Variants in TENM2 observed in about 807,000 individuals in gnomAD.
TENM2 encodes the protein teneurin-2.
In TENM2, 52 loss-of-function variants were observed where a neutral mutation model predicts 245.2. The observed-to-expected ratio is 0.21, with a 90% CI of 0.17 to 0.27. TENM2 has a LOEUF of 0.27. Ranked by LOEUF, TENM2 falls within the 10% of genes least tolerant of loss-of-function variation. The probability of loss-of-function intolerance (pLI) is 1.00; values close to 1 mark genes in which losing one functional copy is unlikely to be tolerated. For missense variants in TENM2, 3,046 were observed against 3,666.8 expected (o/e 0.83, Z 4.37); for synonymous variants, 1,363 against 1,438.9 (o/e 0.95, Z 1.19).
At chr5:167,503,882 T>C (rs1362589531) in intron 2 of TENM2, among the ~76,000 whole-genome samples, 1 of 152,070 alleles carries the variant, frequency 6.6e-6, no homozygotes, top group Non-Finnish European at 1.5e-5. Flanking sequence ...CGACAGAGTC[T>C]CACTCTGTCT....
At chr5:167,298,420 G>A (rs1278914949) in intron 1 of TENM2, among the ~76,000 whole-genome samples, 4 of 152,144 alleles carry the variant, frequency 2.6e-5, no homozygotes, top group African/African-American at 7.2e-5. Flanking sequence ...TGGCTAACAC[G>A]GTGAAACCCC....
At chr5:167,852,283 A>C (rs947878005) in intron 2 of TENM2, among the ~76,000 whole-genome samples, 3 of 152,248 alleles carry the variant, frequency 2.0e-5, no homozygotes, top group African/African-American at 7.2e-5. Flanking sequence ...TTTTTCAGCT[A>C]TGAAGATATC....
At chr5:168,023,109 G>A (rs1305668645) in intron 5 of TENM2, among the ~76,000 whole-genome samples, 2 of 152,176 alleles carry the variant, frequency 1.3e-5, no homozygotes, top group African/African-American at 4.8e-5. Flanking sequence ...GGAAGACAGG[G>A]TTCTTTAGAG....
rs537016903 is a variant in TENM2, at chr5:167,710,463, G to A, written c.503-165523G>A. ...GAGAATGACAGAAAGTCTTCCCAGA[G>A]GAACAAGTGCCTGAGCTGACTGTGA... On this transcript the variant is annotated intron_variant, in intron 2 of 28. Coordinates refer to ENST00000518659, the Ensembl canonical transcript of TENM2. Among the ~76,000 whole-genome samples the A allele has an allele frequency of 5.3e-5, 8 of 152,300 alleles. No individual in the cohort carries two copies. The East Asian group carries it at 1.2e-3, about 22-fold the overall frequency.
intron 2 of TENM2, among the ~76,000 whole-genome samples, chr5:167,515,668 T>TACACAC (rs1562019088): frequency 2.8e-5 from 1 of 35,630 alleles, no homozygotes; most frequent in Admixed American, 2.3e-4. Context: ...TACGTATATA[T>TACACAC]GTGTATATAT....
At chr5:167,930,379 T>C (rs989374014) in intron 3 of TENM2, among the ~76,000 whole-genome samples, 1 of 152,188 alleles carries the variant, frequency 6.6e-6, no homozygotes, top group African/African-American at 2.4e-5. Context: ...AGAATCGTTT[T>C]TAAAAAGGCA....
At chr5:167,841,428 C>T (rs1769507398) in intron 2 of TENM2, among the ~76,000 whole-genome samples, 1 of 152,172 alleles carries the variant, frequency 6.6e-6, no homozygotes, top group South Asian at 2.1e-4. Context: ...AAAAAACACC[C>T]TTATGCCTTT....
intron 12 of TENM2, among the ~76,000 whole-genome samples, chr5:168,144,178 CTT>C (rs138211831): frequency 6.8e-6 from 1 of 146,244 alleles, no homozygotes. Context: ...TCTTTTAAGT[CTT>C]TTTTTTTTTA....
intron 2 of TENM2, among the ~76,000 whole-genome samples, chr5:167,759,426 ACT>A (rs980053420): frequency 1.8e-4 from 28 of 152,044 alleles, no homozygotes; most frequent in Middle Eastern, 6.8e-3. Flanking sequence ...ATTTATCAGG[ACT>A]CTGATTTTGT....
chr5:167,993,172 G>A lies in TENM2; in HGVS notation c.1176G>A (p.Ala392=), dbSNP rs187245740. ...CCCTCCTCTTGGCTATTTTGCTGGC[G>A]TATTTCATAGGTAAGTCAGGGCAGC... is the stretch of plus-strand genomic sequence containing the variant. Residue 392 remains alanine (A), a synonymous_variant, in exon 5 of 29, where the codon GCG becomes GCA. Transcript: ENST00000518659. 177 of 1,613,736 alleles carry A rather than the reference G, an allele frequency of 1.1e-4. 1 individual carries two copies. In the East Asian group the frequency reaches 2.9e-3, roughly 27 times the overall value.
At chr5:167,733,052 A>G (rs1760546020) in intron 2 of TENM2, among the ~76,000 whole-genome samples, 1 of 149,026 alleles carries the variant, frequency 6.7e-6, no homozygotes, top group South Asian at 2.1e-4. Flanking sequence ...GAAAGGGCAA[A>G]ATAGTTTCCT....
At chr5:167,935,049 A>T in intron 3 of TENM2, 1 of 311,448 alleles carries the variant, frequency 3.2e-6, no homozygotes, top group Non-Finnish European at 4.7e-6. Flanking sequence ...AGAACACCTC[A>T]GGGGATGAGG....
the TENM2 span, among the ~76,000 whole-genome samples, chr5:167,108,016 C>T: frequency 6.6e-6 from 1 of 152,202 alleles, no homozygotes; most frequent in Non-Finnish European, 1.5e-5. Context: ...TACCCTTATC[C>T]TTTCCTCTCT....
the TENM2 span, among the ~76,000 whole-genome samples, chr5:167,032,773 T>G: frequency 6.6e-6 from 1 of 152,192 alleles, no homozygotes; most frequent in South Asian, 2.1e-4. Flanking sequence ...GTTTTTCTTT[T>G]TGCATTTGAT....
At chr5:168,262,581 C>T (rs773021780) in exon 29 of TENM2, 42 of 1,570,976 alleles carry the variant, frequency 2.7e-5, no homozygotes, top group Middle Eastern at 3.3e-4. Context: ...CTGGACCAGG[C>T]GAGACAGAGG....
At chr5:167,548,034 C>T (rs1486803749) in intron 2 of TENM2, among the ~76,000 whole-genome samples, 1 of 152,150 alleles carries the variant, frequency 6.6e-6, no homozygotes, top group Non-Finnish European at 1.5e-5. Flanking sequence ...GGTCATTCAT[C>T]GATTCTTGAT....
intron 2 of TENM2, among the ~76,000 whole-genome samples, chr5:167,406,500 A>T (rs997135539): frequency 5.2e-4 from 79 of 152,300 alleles, no homozygotes; most frequent in Admixed American, 3.3e-4. Context: ...ATCAGCAGAA[A>T]ATCACCAGCT....
chr5:167,277,990 G>T, the TENM2 span, among the ~76,000 whole-genome samples: 1 of 151,572 alleles, frequency 6.6e-6, no homozygotes, highest in Non-Finnish European at 1.5e-5. Flanking sequence ...TTTTCAATGT[G>T]CCTGGATTGT....
intron 25 of TENM2, among the ~76,000 whole-genome samples, chr5:168,231,770 CAACAACAACCAAA>C (rs1764938249): frequency 6.7e-6 from 1 of 149,304 alleles, no homozygotes; most frequent in Admixed American, 6.6e-5. Flanking sequence ...CAACAAACAA[CAACAACAACCAAA>C]AAAAAAAAAA....
Sources: gnomAD v4.1 joint callset for allele counts (sites outside exome capture counted in the v4.1 genomes callset) on GRCh38, gnomAD v4.1.1 for gene constraint, MANE v1.5 for transcripts, NCBI Gene and HGNC (gene_info 2026-07-23, HGNC 2026-07-21) for gene names.